The following CDKN2B-AS1 variants were observed in gnomAD, a reference collection of about 807,000 sequenced individuals.
The protein encoded by CDKN2B-AS1 is CDKN2B and CDKN2A antisense cis and trans regulatory RNA 1, also known as CDKN2B antisense RNA 1 (non-protein coding).
At chr9:22,126,528 CTTTTTCTCTTTGGGTATACT>C (rs1818026473) in intron 4 of CDKN2B-AS1, among the ~76,000 whole-genome samples, 1 of 146,320 alleles carries the variant, frequency 6.8e-6, no homozygotes, top group South Asian at 2.1e-4. Flanking sequence ...TAAGCTTTTC[CTTTTTCTCTTTGGGTATACT>C]TGAATGGGGA....
chr9:22,081,111 A>G lies in CDKN2B-AS1; in HGVS notation n.438+24724A>G, dbSNP rs187400097. Among the ~76,000 whole-genome samples, 19 of 152,296 alleles carry G rather than the reference A, an allele frequency of 1.2e-4. No individual in the cohort carries two copies. In the East Asian group the frequency reaches 2.3e-3, roughly 19 times the overall value. Reference sequence around the variant, plus strand: ...ACAATTAGGTCCATATGGCAATATAATTTTGACTCCTTTTAAAACTGTAGC... The same window carrying G: ...ACAATTAGGTCCATATGGCAATATAGTTTTGACTCCTTTTAAAACTGTAGC... On this transcript the variant is annotated intron_variant and non_coding_transcript_variant, in intron 4 of 4. Coordinates refer to ENST00000650946, the Ensembl canonical transcript of CDKN2B-AS1.
intron 1 of CDKN2B-AS1, chr9:22,003,719 G>A (rs79203451): frequency 8.6e-6 from 2 of 231,578 alleles, no homozygotes; most frequent in Admixed American, 1.1e-4. Context: ...CATTATCTTT[G>A]TTCCAAAAAT....
chr9:22,017,602 T>C (rs951379584), intron 1 of CDKN2B-AS1, among the ~76,000 whole-genome samples: 1 of 152,358 alleles, frequency 6.6e-6, no homozygotes, highest in East Asian at 1.9e-4. Flanking sequence ...ACACCCCATT[T>C]TGAAAACATT....
chr9:22,008,659 C>G, intron 1 of CDKN2B-AS1: 1 of 1,604,342 alleles, frequency 6.2e-7, no homozygotes, highest in Non-Finnish European at 8.5e-7. Context: ...GCCTGTTTTA[C>G]GCGTGGAATG....
intron 4 of CDKN2B-AS1, among the ~76,000 whole-genome samples, chr9:22,078,355 C>T (rs1314571423): frequency 1.3e-5 from 2 of 151,972 alleles, no homozygotes; most frequent in South Asian, 2.1e-4. Flanking sequence ...TCTTCCTGTG[C>T]TTATTTGACT....
At position 21,995,624 on chromosome 9, in the gene CDKN2B-AS1, C is replaced by G. The variant is rs1486941396; in HGVS notation, n.29+463C>G. 6.6e-6 allele frequency: 1 copy of G among 152,650 alleles called. No homozygotes were observed. Among genetic ancestry groups the G allele is most frequent in the African/African-American group, 2.4e-5 (1 of 41,470 alleles). 9.5% of individuals were successfully genotyped at this position (152,650 alleles called of 1,614,324 possible). A position where few individuals can be genotyped will look rare whatever the true frequency, so the allele number is the denominator to read the frequency against. ...CCAGCTGGGAGACAGGAAAAGCGGT[C>G]CTGTTTGGGAACAGTAAAAGCAGGG... On this transcript the variant is annotated intron_variant and non_coding_transcript_variant, in intron 1 of 4. Coordinates refer to ENST00000650946, the Ensembl canonical transcript of CDKN2B-AS1. The surrounding 1 kb of genome is among the most constrained non-coding windows in gnomAD (Gnocchi z 5.7).
chr9:22,072,269 T>G (rs919951459), intron 4 of CDKN2B-AS1, among the ~76,000 whole-genome samples: 5 of 152,152 alleles, frequency 3.3e-5, no homozygotes, highest in African/African-American at 1.2e-4. Context: ...TTTTAGATAA[T>G]TTTTTTATAA....
intron 4 of CDKN2B-AS1, among the ~76,000 whole-genome samples, chr9:22,082,376 A>C (rs1547705): frequency 0.14 from 21,840 of 152,204 alleles, 1,877 homozygotes; most frequent in African/African-American, 0.23. Flanking sequence ...ATTCACATCA[A>C]TCTCATCAGA....
At chr9:22,049,624 G>A (rs1044868150) in intron 3 of CDKN2B-AS1, among the ~76,000 whole-genome samples, 6 of 152,218 alleles carry the variant, frequency 3.9e-5, no homozygotes, top group Non-Finnish European at 7.4e-5. Flanking sequence ...CTAGAGTAGG[G>A]CAGATGAGAA....
chr9:22,031,743 T>A (rs1367711002), intron 1 of CDKN2B-AS1, among the ~76,000 whole-genome samples: 2 of 152,210 alleles, frequency 1.3e-5, no homozygotes, highest in Non-Finnish European at 2.9e-5. Context: ...CTTTGTGTAA[T>A]CCCCTCCACT....
At position 22,005,525 on chromosome 9, in the gene CDKN2B-AS1, G is replaced by A. The variant is rs1041069737; in HGVS notation, n.29+10364G>A. On this transcript the variant is annotated intron_variant and non_coding_transcript_variant, in intron 1 of 4. Coordinates refer to ENST00000650946, the Ensembl canonical transcript of CDKN2B-AS1. The surrounding 1 kb of genome is among the most constrained non-coding windows in gnomAD (Gnocchi z 4.9). ...CCTTTCTGCCGCTAGGGCCTAAGTT[G>A]TGGGTTCACCATAACTCCTCAGCAG... 1 of 308,396 alleles carries A rather than the reference G, an allele frequency of 3.2e-6. No individual in the cohort carries two copies. Among genetic ancestry groups the A allele is most frequent in the African/African-American group, 2.1e-5 (1 of 47,192 alleles). The allele number at this position is 308,396 out of a possible 1,614,324, so 19.1% of individuals were successfully genotyped here.
At chr9:22,080,020 G>A (rs1824642343) in intron 4 of CDKN2B-AS1, among the ~76,000 whole-genome samples, 1 of 152,248 alleles carries the variant, frequency 6.6e-6, no homozygotes. Context: ...CAGACAGGAG[G>A]TGAGAAAAAC....
At chr9:22,057,747 C>A (rs1823634564) in intron 4 of CDKN2B-AS1, among the ~76,000 whole-genome samples, 1 of 149,994 alleles carries the variant, frequency 6.7e-6, no homozygotes, top group African/African-American at 2.5e-5. Flanking sequence ...GTGGAGGTTG[C>A]AGTGAGCTGA....
At chr9:22,079,832 T>C (rs546130299) in intron 4 of CDKN2B-AS1, among the ~76,000 whole-genome samples, 3 of 152,370 alleles carry the variant, frequency 2.0e-5, no homozygotes, top group Non-Finnish European at 4.4e-5. Context: ...TGTGTTCATC[T>C]AGCCTCACAT....
At chr9:22,030,872 A>G (rs1435199662) in intron 1 of CDKN2B-AS1, 1 of 152,210 alleles carries the variant, frequency 6.6e-6, no homozygotes, top group Non-Finnish European at 1.5e-5. Context: ...TAACTGTCTT[A>G]TTGATAACAG....
chr9:22,094,698 C>T (rs2131346835), intron 4 of CDKN2B-AS1, among the ~76,000 whole-genome samples: 1 of 144,194 alleles, frequency 6.9e-6, no homozygotes, highest in African/African-American at 2.9e-5. Flanking sequence ...GTTGGTTATT[C>T]TAGTTAGCCA....
chr9:22,044,545 A>T (rs1823028791), intron 1 of CDKN2B-AS1, among the ~76,000 whole-genome samples: 1 of 152,034 alleles, frequency 6.6e-6, no homozygotes. Context: ...AAAACACTTT[A>T]GTTATTAATA....
chr9:22,082,764 C>T (rs568958868), intron 4 of CDKN2B-AS1, among the ~76,000 whole-genome samples: 1 of 152,228 alleles, frequency 6.6e-6, no homozygotes, highest in Non-Finnish European at 1.5e-5. Context: ...TGAGGATACC[C>T]GACTCTAGCT....
chr9:22,052,963 G>T (rs1823416648), intron 3 of CDKN2B-AS1, among the ~76,000 whole-genome samples: 1 of 152,188 alleles, frequency 6.6e-6, no homozygotes. Context: ...GGCTGAACTG[G>T]CGCCAGCATT....
Sources: allele counts gnomAD v4.1 joint callset (sites outside exome capture counted in the v4.1 genomes callset), GRCh38; gene constraint gnomAD v4.1.1; non-coding constraint Gnocchi (gnomAD v3.1); transcripts MANE v1.5; gene names NCBI Gene and HGNC (gene_info 2026-07-23, HGNC 2026-07-21).